Variants in IGSF21 observed in about 807,000 individuals in gnomAD.
The protein encoded by IGSF21 is immunoglobulin superfamily member 21.
In IGSF21, 28 loss-of-function variants were observed where a neutral mutation model predicts 46.8. That is an observed-to-expected ratio of 0.60 (90% CI 0.44 to 0.82). IGSF21 has a LOEUF of 0.82. IGSF21 is among the 40% of genes least tolerant of loss of function. The probability of loss-of-function intolerance (pLI) is 0.00; values close to 1 mark genes in which losing one functional copy is unlikely to be tolerated. For synonymous variants in IGSF21, 284 were observed against 273.6 expected (o/e 1.04, Z -0.38); for missense variants, 624 against 665.5 (o/e 0.94, Z 0.69).
chr1:18,257,520 A>T lies in IGSF21; in HGVS notation c.183+29510A>T, dbSNP rs191913526. Among the ~76,000 whole-genome samples, 121 of 152,232 alleles carry T rather than the reference A, an allele frequency of 7.9e-4. No homozygotes were observed. In the South Asian group the frequency reaches 8.8e-3, roughly 11 times the overall value. The stretch of plus-strand genomic sequence containing the variant: ...GTGGAGGCTACGGAGGCTCAGAGAG[A>T]CCGTATGTCAAGTCATGGCTGGAGT... On this transcript the variant is annotated intron_variant, in intron 2 of 9. Transcript: ENST00000251296.
chr1:18,170,267 G>T (rs1380073312), intron 1 of IGSF21, among the ~76,000 whole-genome samples: 1 of 152,136 alleles, frequency 6.6e-6, no homozygotes, highest in Non-Finnish European at 1.5e-5. Flanking sequence ...TTGGGAACCA[G>T]ACAGCTAGCT....
chr1:18,199,073 G>T (rs1333090973), intron 1 of IGSF21, among the ~76,000 whole-genome samples: 1 of 152,058 alleles, frequency 6.6e-6, no homozygotes, highest in Admixed American at 6.6e-5. Flanking sequence ...CCCGTAAATG[G>T]GTTGAATGAA....
chr1:18,135,203 A>G (rs1233501426), intron 1 of IGSF21, among the ~76,000 whole-genome samples: 1 of 152,244 alleles, frequency 6.6e-6, no homozygotes, highest in Non-Finnish European at 1.5e-5. Flanking sequence ...TTACATTGCT[A>G]TAAAGAAACA....
At chr1:18,347,120 G>A (rs1483374044) in intron 4 of IGSF21, among the ~76,000 whole-genome samples, 1 of 152,196 alleles carries the variant, frequency 6.6e-6, no homozygotes, top group East Asian at 1.9e-4. Context: ...AGCCCCAAAG[G>A]TCCAAGCCTG....
intron 4 of IGSF21, among the ~76,000 whole-genome samples, chr1:18,349,871 C>A (rs2085932675): frequency 6.7e-6 from 1 of 150,136 alleles, no homozygotes; most frequent in African/African-American, 2.5e-5. Context: ...CCAGCTTGGA[C>A]AACATAGGGA....
At chr1:18,118,509 CCAGGTGTCTGGTTCTACAGAAG>C (rs1557544615) in intron 1 of IGSF21, among the ~76,000 whole-genome samples, 2 of 152,224 alleles carry the variant, frequency 1.3e-5, no homozygotes, top group African/African-American at 4.8e-5. Context: ...TGAAGGAAGG[CCAGGTGTCTGGTTCTACAGAAG>C]CAGGTGATGA....
Position 18,273,331 on chromosome 1 carries a change from A to ATTCAT in IGSF21, c.184-18532_184-18531insATTTC, listed in dbSNP as rs2085061778. ...ACTGGGATTACAGGCATGAGCCACCATTCCTTTCCTTTCCTTTCCTTTCCT... is the reference window on the plus strand; with the variant it reads ...ACTGGGATTACAGGCATGAGCCACCATTCATTTCCTTTCCTTTCCTTTCCTTTCCT... On this transcript the variant is annotated intron_variant, in intron 2 of 9. Coordinates refer to ENST00000251296, the MANE Select transcript of IGSF21 (RefSeq NM_032880.5). Among the ~76,000 whole-genome samples, 187 of 54,170 alleles carry ATTCAT rather than the reference A, an allele frequency of 3.5e-3. 10 individuals carry two copies. Among genetic ancestry groups the ATTCAT allele is most frequent in the African/African-American group, 0.01 (144 of 13,780 alleles). The allele number at this position is 54,170 out of a possible 152,430, so 35.5% of individuals were successfully genotyped here. A position where few individuals can be genotyped will look rare whatever the true frequency, so the allele number is the denominator to read the frequency against.
intron 2 of IGSF21, among the ~76,000 whole-genome samples, chr1:18,286,270 T>C (rs79036490): frequency 0.024 from 3,605 of 152,320 alleles, 58 homozygotes; most frequent in African/African-American, 0.048. Flanking sequence ...TGGCCGTGGT[T>C]CCTGTCTGCA....
intron 2 of IGSF21, among the ~76,000 whole-genome samples, chr1:18,251,545 G>T (rs1446340873): frequency 6.6e-6 from 1 of 152,166 alleles, no homozygotes; most frequent in African/African-American, 2.4e-5. Flanking sequence ...AAAACCAAGA[G>T]AGTCATGTGG....
At chr1:18,307,147 T>G (rs1333940569) in intron 3 of IGSF21, among the ~76,000 whole-genome samples, 1 of 149,748 alleles carries the variant, frequency 6.7e-6, no homozygotes, top group Non-Finnish European at 1.5e-5. Context: ...CCATGTCTTG[T>G]TTTTTTTTTC....
chr1:18,250,801 G>A (rs995174164), intron 2 of IGSF21, among the ~76,000 whole-genome samples: 4 of 152,162 alleles, frequency 2.6e-5, no homozygotes, highest in Admixed American at 2.6e-4. Flanking sequence ...TAGGCACCAG[G>A]ATGTAATGGT....
At chr1:18,362,870 C>G (rs922148953) in intron 5 of IGSF21, among the ~76,000 whole-genome samples, 1 of 152,136 alleles carries the variant, frequency 6.6e-6, no homozygotes, top group African/African-American at 2.4e-5. Flanking sequence ...GGTGCAGCGT[C>G]CAGAGAGCTG....
At chr1:18,315,821 G>GGATGGCTA (rs111862902) in intron 3 of IGSF21, among the ~76,000 whole-genome samples, 131,360 of 150,068 alleles carry the variant, frequency 0.88, 57,549 homozygotes, top group East Asian at 0.99. Context: ...GGATAGGTGT[G>GGATGGCTA]GATGGCTAGA....
At chr1:18,292,087 G>A in intron 3 of IGSF21, 100 bp downstream of exon 3, 1 of 1,279,894 alleles carries the variant, frequency 7.8e-7, no homozygotes, top group Non-Finnish European at 1.1e-6. Flanking sequence ...CAATCCCTCG[G>A]TGCTCTTGGG....
chr1:18,300,122 CTA>C (rs773179764), intron 3 of IGSF21, among the ~76,000 whole-genome samples: 5 of 152,182 alleles, frequency 3.3e-5, no homozygotes, highest in Non-Finnish European at 5.9e-5. Context: ...CTGGTGGTGT[CTA>C]TACCACAGGC....
At chr1:18,345,446 G>A (rs1448899014) in intron 4 of IGSF21, among the ~76,000 whole-genome samples, 1 of 152,124 alleles carries the variant, frequency 6.6e-6, no homozygotes, top group Non-Finnish European at 1.5e-5. Context: ...GTGCAGTGGT[G>A]CAGTCTTAGC....
chr1:18,108,612 A>C (rs536361201), intron 1 of IGSF21, among the ~76,000 whole-genome samples: 1 of 150,392 alleles, frequency 6.6e-6, no homozygotes, highest in South Asian at 2.1e-4. Context: ...TGTGTGTGAG[A>C]GTGTGAGCGA....
chr1:18,280,574 A>G (rs939981619), intron 2 of IGSF21, among the ~76,000 whole-genome samples: 1 of 152,208 alleles, frequency 6.6e-6, no homozygotes, highest in Non-Finnish European at 1.5e-5. Context: ...AACCCGATTC[A>G]TCCTCCACCC....
chr1:18,201,708 G>T (rs960633598), intron 1 of IGSF21, among the ~76,000 whole-genome samples: 1 of 152,024 alleles, frequency 6.6e-6, no homozygotes, highest in African/African-American at 2.4e-5. Context: ...CTCTCATTGG[G>T]GTGTGTGTCG....
Sources: gnomAD v4.1 joint callset for allele counts (sites outside exome capture counted in the v4.1 genomes callset) on GRCh38, gnomAD v4.1.1 for gene constraint, MANE v1.5 for transcripts, NCBI Gene and HGNC (gene_info 2026-07-23, HGNC 2026-07-21) for gene names.